SEMA5A: variants seen among roughly 807,000 people sequenced by gnomAD.
The protein encoded by SEMA5A is semaphorin-5A.
SEMA5A carries 55 observed loss-of-function variants against 135.5 expected under a neutral mutation model. That is an observed-to-expected ratio of 0.41 (90% CI 0.33 to 0.51). The LOEUF is 0.51. Among genes scored for constraint, SEMA5A ranks in the 20% least tolerant of loss-of-function variants. The pLI is 0.37. For missense variants in SEMA5A, 1,290 were observed against 1,419.9 expected (o/e 0.91, Z 1.47); for synonymous variants, 580 against 546.5 (o/e 1.06, Z -0.85).
At chr5:9,417,174 ATGC>A (rs1208132187) in intron 2 of SEMA5A, among the ~76,000 whole-genome samples, 25 of 152,260 alleles carry the variant, frequency 1.6e-4, no homozygotes, top group Non-Finnish European at 2.8e-4. Flanking sequence ...TTATTTTAAG[ATGC>A]TGCTGCTTTT....
intron 3 of SEMA5A, among the ~76,000 whole-genome samples, chr5:9,368,951 A>T (rs1190449657): frequency 5.3e-5 from 8 of 152,232 alleles, no homozygotes; most frequent in Admixed American, 5.2e-4. Context: ...GTATATGTTT[A>T]ACTTTTGAAG....
At chr5:9,196,095 G>T (rs1416602267) in intron 10 of SEMA5A, among the ~76,000 whole-genome samples, 2 of 152,202 alleles carry the variant, frequency 1.3e-5, no homozygotes, top group Non-Finnish European at 2.9e-5. Flanking sequence ...CACAGGGTCT[G>T]GGACTTGCTG....
intron 2 of SEMA5A, among the ~76,000 whole-genome samples, chr5:9,393,341 C>G (rs1159176426): frequency 6.6e-6 from 1 of 152,200 alleles, no homozygotes; most frequent in African/African-American, 2.4e-5. Flanking sequence ...CTGACTGTCT[C>G]CTTTTTCAGT....
intron 3 of SEMA5A, among the ~76,000 whole-genome samples, chr5:9,362,893 A>G (rs1406249325): frequency 6.6e-6 from 1 of 152,208 alleles, no homozygotes; most frequent in Non-Finnish European, 1.5e-5. Flanking sequence ...CAAATGAGAA[A>G]CAACAGACTG....
At chr5:9,463,349 C>T (rs1013504839) in intron 1 of SEMA5A, among the ~76,000 whole-genome samples, 1 of 152,132 alleles carries the variant, frequency 6.6e-6, no homozygotes, top group Admixed American at 6.5e-5. Flanking sequence ...CCTCCATACA[C>T]TTATGGTATC....
chr5:9,171,721 G>A (rs529415326), intron 11 of SEMA5A, among the ~76,000 whole-genome samples: 11 of 152,200 alleles, frequency 7.2e-5, no homozygotes, highest in South Asian at 2.1e-4. Flanking sequence ...AGAGGGAGCC[G>A]GGTTCCAACA....
chr5:9,201,839 A>C, intron 9 of SEMA5A, 116 bp downstream of exon 9: 3 of 999,954 alleles, frequency 3.0e-6, no homozygotes, highest in South Asian at 1.7e-5. Context: ...CTGTTAGCCC[A>C]GTAAATTAAG....
rs571458456 is a variant in SEMA5A, at chr5:9,191,632, ATG to A, written c.1069-1163_1069-1162del. Among the ~76,000 whole-genome samples the A allele has an allele frequency of 6.3e-3, 19 of 3,016 alleles. No homozygotes were observed. The South Asian group carries it at 0.42, about 67-fold the overall frequency. 2.0% of individuals were successfully genotyped at this position (3,016 alleles called of 152,430 possible). On this transcript the variant is annotated intron_variant, in intron 10 of 22. Transcript: ENST00000382496. ...ATGGAAATTGCTTTTTGAAAAGTAGATGAGATATTTGTATAGCATTTGATAAA... is the reference window on the plus strand; with the variant it reads ...ATGGAAATTGCTTTTTGAAAAGTAGAAGATATTTGTATAGCATTTGATAAA...
chr5:9,508,961 A>G (rs1322135473), intron 1 of SEMA5A, among the ~76,000 whole-genome samples: 1 of 152,184 alleles, frequency 6.6e-6, no homozygotes, highest in African/African-American at 2.4e-5. Flanking sequence ...GCTTATCAGA[A>G]CTCTGCAGAT....
intron 3 of SEMA5A, among the ~76,000 whole-genome samples, chr5:9,351,181 C>A (rs746218578): frequency 3.9e-5 from 6 of 152,066 alleles, no homozygotes; most frequent in African/African-American, 1.4e-4. Context: ...TTAGCTTTTA[C>A]AAAGGGTAAA....
intron 1 of SEMA5A, among the ~76,000 whole-genome samples, chr5:9,448,199 A>G (rs1758503338): frequency 6.6e-6 from 1 of 152,156 alleles, no homozygotes; most frequent in Non-Finnish European, 1.5e-5. Context: ...TATCCTATGG[A>G]CCTAACATAT....
intron 6 of SEMA5A, among the ~76,000 whole-genome samples, chr5:9,230,664 A>G (rs1331029914): frequency 2.0e-5 from 3 of 152,166 alleles, no homozygotes; most frequent in African/African-American, 7.2e-5. Flanking sequence ...ATGATCAGGC[A>G]AGGAGGTCTG....
At chr5:9,339,029 T>C (rs1003973509) in intron 3 of SEMA5A, among the ~76,000 whole-genome samples, 1 of 152,158 alleles carries the variant, frequency 6.6e-6, no homozygotes, top group African/African-American at 2.4e-5. Context: ...GAGAGGGACT[T>C]GTAATGTATA....
intron 14 of SEMA5A, among the ~76,000 whole-genome samples, chr5:9,121,161 T>C (rs1189516336): frequency 2.0e-5 from 3 of 152,282 alleles, no homozygotes; most frequent in Non-Finnish European, 4.4e-5. Flanking sequence ...TAAAAGTGTA[T>C]ATAAGTAATA....
At chr5:9,429,339 C>G (rs192281450) in intron 2 of SEMA5A, among the ~76,000 whole-genome samples, 1 of 151,316 alleles carries the variant, frequency 6.6e-6, no homozygotes, top group Admixed American at 6.6e-5. Flanking sequence ...AAAATCCATC[C>G]ATCAACCCAT....
intron 1 of SEMA5A, among the ~76,000 whole-genome samples, chr5:9,462,161 C>T (rs1030168580): frequency 2.0e-5 from 3 of 152,106 alleles, no homozygotes; most frequent in African/African-American, 7.2e-5. Flanking sequence ...CCCAAAATTG[C>T]CTCTTACATG....
intron 2 of SEMA5A, among the ~76,000 whole-genome samples, chr5:9,437,330 A>AT (rs545757404): frequency 1.5e-3 from 229 of 150,664 alleles, no homozygotes; most frequent in Non-Finnish European, 2.8e-3. Flanking sequence ...ATTAACTCTC[A>AT]TTTTTTTTTC....
intron 11 of SEMA5A, among the ~76,000 whole-genome samples, chr5:9,158,345 A>C (rs1299643092): frequency 5.3e-5 from 8 of 152,214 alleles, no homozygotes; most frequent in Non-Finnish European, 7.3e-5. Context: ...TTCATCCAAG[A>C]AAATATTAAC....
chr5:9,489,303 G>A (rs2126796028), intron 1 of SEMA5A, among the ~76,000 whole-genome samples: 1 of 152,226 alleles, frequency 6.6e-6, no homozygotes, highest in African/African-American at 2.4e-5. Flanking sequence ...AATGGCAGGT[G>A]CGGTGTTAGG....
Sources: gnomAD v4.1 joint callset for allele counts (sites outside exome capture counted in the v4.1 genomes callset) on GRCh38, gnomAD v4.1.1 for gene constraint, MANE v1.5 for transcripts, NCBI Gene and HGNC (gene_info 2026-07-23, HGNC 2026-07-21) for gene names.